The following CYFIP1 variants were observed in gnomAD, a reference collection of about 807,000 sequenced individuals.
CYFIP1 encodes the protein cytoplasmic FMR1-interacting protein 1.
A neutral mutation model predicts 163.5 loss-of-function variants in CYFIP1; 58 were observed. That is an observed-to-expected ratio of 0.35 (90% CI 0.29 to 0.44). The LOEUF (loss-of-function observed/expected upper bound fraction) is 0.44, where lower values mean the gene tolerates loss of function less well. Ranked by LOEUF, CYFIP1 falls within the 20% of genes least tolerant of loss-of-function variation. The pLI, the probability that CYFIP1 is intolerant of heterozygous loss-of-function variation, is 1.00. For synonymous variants in CYFIP1, 663 were observed against 660.7 expected, an observed-to-expected ratio of 1.00 and a Z score of -0.05; for missense variants, 1,338 against 1,653.8, an observed-to-expected ratio of 0.81 and a Z score of 3.31.
At chr15:22,978,628 T>C (rs930023426) in intron 1 of CYFIP1, among the ~76,000 whole-genome samples, 2 of 152,262 alleles carry the variant, frequency 1.3e-5, no homozygotes, top group East Asian at 3.9e-4. Flanking sequence ...TTCTATGCTG[T>C]TTAATGTTTT....
chr15:22,956,845 G>A (rs951613044), intron 1 of CYFIP1, among the ~76,000 whole-genome samples: 3 of 152,246 alleles, frequency 2.0e-5, no homozygotes, highest in African/African-American at 4.8e-5. Flanking sequence ...GCCCGCTCCA[G>A]CCAGCCCCTG....
At chr15:22,916,402 G>A (rs1353098628) in intron 16 of CYFIP1, 75 bp downstream of exon 16, 58 of 1,139,236 alleles carry the variant, frequency 5.1e-5, no homozygotes, top group Admixed American at 9.5e-5. Flanking sequence ...GTGGTCAGGC[G>A]GGCGGAAGCA....
intron 5 of CYFIP1, among the ~76,000 whole-genome samples, chr15:22,944,238 C>CAAAAAAAAAAAAAAAAAAAA: frequency 1.1e-5 from 1 of 94,982 alleles, no homozygotes; most frequent in Non-Finnish European, 2.0e-5. Context: ...GACTCTGTCT[C>CAAAAAAAAAAAAAAAAAAAA]AAAAAAAAAA....
At chr15:22,923,386 A>G (rs1232976552) in intron 13 of CYFIP1, among the ~76,000 whole-genome samples, 1 of 152,200 alleles carries the variant, frequency 6.6e-6, no homozygotes, top group East Asian at 1.9e-4. Context: ...GTTGTTAGAA[A>G]ACCGCAAATC....
chr15:22,978,465 T>A (rs1433237368), intron 1 of CYFIP1, among the ~76,000 whole-genome samples: 1 of 150,468 alleles, frequency 6.6e-6, no homozygotes, highest in East Asian at 2.0e-4. Context: ...ATTGCTAAGA[T>A]CTTTAAGTAA....
At chr15:22,882,006 T>C (rs2141882585) in intron 24 of CYFIP1, 70 bp from the exon 25 acceptor site, 1 of 1,365,998 alleles carries the variant, frequency 7.3e-7, no homozygotes. Context: ...GGCCGGCGCA[T>C]ACCCTGAAAC....
chr15:22,929,794 G>A (rs1468530109), intron 11 of CYFIP1, among the ~76,000 whole-genome samples: 1 of 144,456 alleles, frequency 6.9e-6, no homozygotes, highest in South Asian at 2.2e-4. Flanking sequence ...AAATTAGCCG[G>A]GCGTGGTGGC....
chr15:22,905,950 G>A (rs1302013037), intron 21 of CYFIP1, among the ~76,000 whole-genome samples: 6 of 150,784 alleles, frequency 4.0e-5, no homozygotes, highest in South Asian at 2.1e-4. Context: ...TAGTAGAGAC[G>A]GGGTTTCACC....
chr15:22,967,061 T>A (rs1006874740), intron 1 of CYFIP1, among the ~76,000 whole-genome samples: 2 of 152,102 alleles, frequency 1.3e-5, no homozygotes, highest in African/African-American at 4.8e-5. Context: ...AAGAGAATAC[T>A]TAATAAGTAA....
At position 22,939,215 on chromosome 15, in the gene CYFIP1, T is replaced by G; in HGVS notation, c.772A>C (p.Ser258Arg). Residue 258 changes from serine to arginine, a missense_variant, in exon 8 of 31, where the codon AGT becomes CGT. Ser to Arg is a moderately radical substitution (Grantham distance 110, BLOSUM62 -1). Transcript: ENST00000617928. ...ACTTTGAGAAGCATGTGTTTCTCACTGGGCGTCAAATACATCCTGTTCTCG... is the reference window on the plus strand; with the variant it reads ...ACTTTGAGAAGCATGTGTTTCTCACGGGGCGTCAAATACATCCTGTTCTCG... ...YYENRMYLTPSEKHMLLKVMG... is the reference protein window; with the variant it reads ...YYENRMYLTPREKHMLLKVMG... 2 of 1,614,228 alleles carry G rather than the reference T, an allele frequency of 1.2e-6. No individual in the cohort carries two copies. Among genetic ancestry groups the G allele is most frequent in the Non-Finnish European group, 1.7e-6 (2 of 1,180,042 alleles).
chr15:22,932,343 G>C lies in CYFIP1; in HGVS notation c.993-3C>G. 1.3e-6 allele frequency: 2 copies of C among 1,589,930 alleles called. No individual in the cohort carries two copies. The highest frequency in any genetic ancestry group is 1.7e-6 in the Non-Finnish European group (2 of 1,168,182). ...TGCCGGAGGATGTGCACGTCCATCT[G>C]TGCAGAGAGAAAGCACCCGCGTTAC... On this transcript the variant is annotated splice_polypyrimidine_tract_variant and splice_region_variant and intron_variant, in intron 10 of 30. Transcript: ENST00000617928.
intron 6 of CYFIP1, among the ~76,000 whole-genome samples, chr15:22,942,761 G>A (rs867818010): frequency 4.6e-5 from 7 of 152,184 alleles, no homozygotes; most frequent in Admixed American, 2.0e-4. Context: ...CCCCGCTGGC[G>A]AGTGACCGGC....
At chr15:22,927,256 G>A (rs1042565037) in intron 12 of CYFIP1, among the ~76,000 whole-genome samples, 4 of 152,022 alleles carry the variant, frequency 2.6e-5, no homozygotes, top group Admixed American at 2.6e-4. Flanking sequence ...GAGGCGGGTA[G>A]TTCACCTGAG....
chr15:22,890,720 G>A (rs1489314264), intron 23 of CYFIP1, among the ~76,000 whole-genome samples: 17 of 120,054 alleles, frequency 1.4e-4, no homozygotes, highest in Admixed American at 3.3e-4. Flanking sequence ...GGGGCACAGC[G>A]GAGGCCGCAC....
At chr15:22,943,065 C>T in intron 6 of CYFIP1, 108 bp downstream of exon 6, 1 of 1,063,560 alleles carries the variant, frequency 9.4e-7, no homozygotes, top group East Asian at 2.6e-5. Context: ...TGCTGCCTAC[C>T]AGAAGTGACG....
At chr15:22,886,250 G>T (rs952461171) in intron 23 of CYFIP1, among the ~76,000 whole-genome samples, 1 of 152,126 alleles carries the variant, frequency 6.6e-6, no homozygotes, top group South Asian at 2.1e-4. Context: ...TTTCAGATGA[G>T]ATTTGGGTGT....
At chr15:22,890,193 T>A (rs894738981) in intron 23 of CYFIP1, among the ~76,000 whole-genome samples, 28 of 150,538 alleles carry the variant, frequency 1.9e-4, no homozygotes, top group African/African-American at 6.8e-4. Flanking sequence ...GCGCCTTTAA[T>A]CCCAGCTATT....
In CYFIP1 at chr15:22,952,925, C is replaced by G. The variant is rs562426152; in HGVS notation, c.-6-5634G>C. Among the ~76,000 whole-genome samples, 3 of 152,314 alleles carry G rather than the reference C, an allele frequency of 2.0e-5. No individual in the cohort carries two copies. The South Asian group carries it at 6.2e-4, about 32-fold the overall frequency. ...GTGCGGAGTGCTGGCCAGGGCCCTG[C>G]TGTGGCAAACTGCTGTTCTCTCCTA... On this transcript the variant is annotated intron_variant, in intron 1 of 30. Transcript: ENST00000617928.
intron 26 of CYFIP1, among the ~76,000 whole-genome samples, chr15:22,879,042 A>G (rs957514651): frequency 5.9e-5 from 9 of 151,980 alleles, no homozygotes; most frequent in Non-Finnish European, 1.0e-4. Context: ...AGGCGGAGGC[A>G]GGAGAATGGC....
Sources: allele counts gnomAD v4.1 joint callset (sites outside exome capture counted in the v4.1 genomes callset), GRCh38; gene constraint gnomAD v4.1.1; transcripts MANE v1.5; gene names NCBI Gene and HGNC (gene_info 2026-07-23, HGNC 2026-07-21).